MACROD1: variants seen among roughly 807,000 people sequenced by gnomAD.
The protein encoded by MACROD1 is ADP-ribose glycohydrolase MACROD1.
MACROD1 carries 31 observed loss-of-function variants against 41.4 expected under a neutral mutation model. The observed-to-expected ratio is 0.75, with a 90% CI of 0.56 to 1.01. The LOEUF is 1.01. Ranked by LOEUF, MACROD1 falls within the 50% of genes least tolerant of loss-of-function variation. MACROD1 has a pLI of 0.00. For missense variants in MACROD1, 473 were observed against 460.0 expected (o/e 1.03, Z -0.26); for synonymous variants, 252 against 203.4 (o/e 1.24, Z -2.03).
At chr11:64,000,681 G>A (rs1942809744) in intron 4 of MACROD1, among the ~76,000 whole-genome samples, 1 of 142,004 alleles carries the variant, frequency 7.0e-6, no homozygotes, top group Non-Finnish European at 1.5e-5. Flanking sequence ...GACAGGAACC[G>A]CCGCCCGAGC....
In MACROD1 at chr11:63,998,573, T is replaced by C. The variant is rs890142405; in HGVS notation, c.*145A>G. 4 of 1,208,264 alleles carry C rather than the reference T, an allele frequency of 3.3e-6. No homozygotes were observed. Among genetic ancestry groups the C allele is most frequent in the Non-Finnish European group, 4.1e-6 (4 of 963,940 alleles). 74.8% of individuals were successfully genotyped at this position (1,208,264 alleles called of 1,614,324 possible). On this transcript the variant is annotated 3_prime_UTR_variant, in exon 11 of 11. Coordinates refer to ENST00000255681, the MANE Select transcript of MACROD1 (RefSeq NM_014067.4). ...CAGTAGGAGCTGCCACAACGAGATC[T>C]TTATTAGGCTCCTCGGGGGCGGGGC...
chr11:64,085,077 G>C (rs142121302), intron 3 of MACROD1, among the ~76,000 whole-genome samples: 1 of 152,338 alleles, frequency 6.6e-6, no homozygotes, highest in Non-Finnish European at 1.5e-5. Flanking sequence ...TCATTGCACA[G>C]ATCCCCCAAC....
At chr11:64,088,067 C>G (rs1348044365) in intron 3 of MACROD1, among the ~76,000 whole-genome samples, 1 of 152,192 alleles carries the variant, frequency 6.6e-6, no homozygotes, top group Non-Finnish European at 1.5e-5. Flanking sequence ...TGGGCCTCCC[C>G]TGGCTCTTCC....
intron 2 of MACROD1, among the ~76,000 whole-genome samples, chr11:64,151,950 G>A (rs1945585729): frequency 6.6e-6 from 1 of 152,130 alleles, no homozygotes; most frequent in South Asian, 2.1e-4. Flanking sequence ...CCAATATGGT[G>A]AAACCCCATC....
At chr11:64,054,143 C>T (rs1248291198) in intron 3 of MACROD1, among the ~76,000 whole-genome samples, 4 of 152,176 alleles carry the variant, frequency 2.6e-5, no homozygotes, top group Non-Finnish European at 5.9e-5. Context: ...GCCTGGAGCC[C>T]CACGGCTAGC....
chr11:64,112,496 G>C (rs981194579), intron 3 of MACROD1, among the ~76,000 whole-genome samples: 3 of 152,176 alleles, frequency 2.0e-5, no homozygotes, highest in East Asian at 3.8e-4. Flanking sequence ...CCTGGTGACA[G>C]GGCAAGACTC....
Position 63,999,553 on chromosome 11 carries a change from G to GTGCGTCT in MACROD1, c.793_794insAGACGCA (p.Pro265GlnfsTer15), listed in dbSNP as rs1288622939. On this transcript the variant is annotated frameshift_variant, in exon 7 of 11. Coordinates refer to ENST00000255681, the MANE Select transcript of MACROD1 (RefSeq NM_014067.4). LOFTEE classifies it high-confidence loss of function. ...ACCAAACACGCCGGTGGAGATGCAG[G>GTGCGTCT]GGAACGCCTGGGCGGGGAGGGGTGA... is the stretch of plus-strand genomic sequence containing the variant. 10 of 1,609,888 alleles carry GTGCGTCT rather than the reference G, an allele frequency of 6.2e-6. No individual in the cohort carries two copies. Among genetic ancestry groups the GTGCGTCT allele is most frequent in the Non-Finnish European group, 7.6e-6 (9 of 1,178,710 alleles).
chr11:64,147,213 C>T (rs933070157), intron 3 of MACROD1, among the ~76,000 whole-genome samples: 9 of 150,108 alleles, frequency 6.0e-5, no homozygotes, highest in Non-Finnish European at 1.3e-4. Context: ...TACAGGCATG[C>T]ACCACCACAC....
In MACROD1 at chr11:64,067,217, G is replaced by C. The variant is rs1191026679; in HGVS notation, c.518-51936C>G. On this transcript the variant is annotated intron_variant, in intron 3 of 10. Coordinates refer to ENST00000255681, the MANE Select transcript of MACROD1 (RefSeq NM_014067.4). This position sits in a 1 kb window ranked among gnomAD's most constrained non-coding sequence, Gnocchi z 4.6. ...TCCAAGGAGATGGCAGATGGGAGGG[G>C]TGGGGAGAGGCCTTGCATGGCACCC... 6.6e-6 allele frequency among the ~76,000 whole-genome samples: 1 copy of C among 152,102 alleles called. No individual in the cohort carries two copies. Among genetic ancestry groups the C allele is most frequent in the Admixed American group, 6.5e-5 (1 of 15,284 alleles).
At chr11:64,134,859 C>T (rs553388646) in intron 3 of MACROD1, among the ~76,000 whole-genome samples, 215 of 152,348 alleles carry the variant, frequency 1.4e-3, no homozygotes, top group Non-Finnish European at 2.5e-3. Context: ...AGGAGCTCTT[C>T]GCATATTAAG....
At position 64,146,818 on chromosome 11, in the gene MACROD1, C is replaced by T. The variant is rs1423895322; in HGVS notation, c.517+4421G>A. Among the ~76,000 whole-genome samples, 2 of 151,622 alleles carry T rather than the reference C, an allele frequency of 1.3e-5. No individual in the cohort carries two copies. The highest frequency in any genetic ancestry group is 2.4e-5 in the African/African-American group (1 of 41,268). ...ATACGCACACCCCACACACATAGGCCAAACTCCTGACCTCACACACACACT... is the reference window on the plus strand; with the variant it reads ...ATACGCACACCCCACACACATAGGCTAAACTCCTGACCTCACACACACACT... On this transcript the variant is annotated intron_variant, in intron 3 of 10. Transcript: ENST00000255681. This position sits in a 1 kb window ranked among gnomAD's most constrained non-coding sequence, Gnocchi z 4.7.
intron 3 of MACROD1, among the ~76,000 whole-genome samples, chr11:64,042,363 C>T (rs527711275): frequency 8.9e-4 from 135 of 152,302 alleles, no homozygotes; most frequent in African/African-American, 3.2e-3. Flanking sequence ...CCTTCCTGCC[C>T]CCAGACAGTG....
intron 3 of MACROD1, among the ~76,000 whole-genome samples, chr11:64,072,222 G>A (rs1459406210): frequency 6.6e-6 from 1 of 152,134 alleles, no homozygotes; most frequent in Non-Finnish European, 1.5e-5. Flanking sequence ...GCTGCTGTGG[G>A]ATGGAGGGGC....
chr11:64,064,671 G>A lies in MACROD1; in HGVS notation c.518-49390C>T, dbSNP rs1354232484. On this transcript the variant is annotated intron_variant, in intron 3 of 10. Transcript: ENST00000255681. The surrounding 1 kb of genome is among the most constrained non-coding windows in gnomAD (Gnocchi z 4.5). ...AGGGGCCTCTGGCAGGACATTAAAC[G>A]GCACCGAGATAGAAGGAGGGGGGCC... Among the ~76,000 whole-genome samples, 1 of 135,430 alleles carries A rather than the reference G, an allele frequency of 7.4e-6. No individual in the cohort carries two copies. Among genetic ancestry groups the A allele is most frequent in the Non-Finnish European group, 1.5e-5 (1 of 65,094 alleles). 88.8% of individuals were successfully genotyped at this position (135,430 alleles called of 152,430 possible). A position where few individuals can be genotyped will look rare whatever the true frequency, so the allele number is the denominator to read the frequency against.
intron 3 of MACROD1, among the ~76,000 whole-genome samples, chr11:64,130,117 C>T (rs1004936807): frequency 1.3e-5 from 2 of 152,052 alleles, no homozygotes; most frequent in African/African-American, 4.8e-5. Context: ...AGCCCCCCAC[C>T]GTGCCACCCT....
At chr11:64,001,709 T>A (rs1269537051) in intron 4 of MACROD1, 3 of 702,306 alleles carry the variant, frequency 4.3e-6, no homozygotes, top group Non-Finnish European at 7.8e-6. Context: ...GCTCCTCTCC[T>A]CTGCAGGGAG....
intron 3 of MACROD1, among the ~76,000 whole-genome samples, chr11:64,021,094 C>G (rs549383282): frequency 6.6e-6 from 1 of 152,300 alleles, no homozygotes; most frequent in Non-Finnish European, 1.5e-5. Flanking sequence ...CTCAGCACAG[C>G]GCCTGGCTCA....
chr11:64,033,609 G>T (rs1943322139), intron 3 of MACROD1, among the ~76,000 whole-genome samples: 1 of 152,070 alleles, frequency 6.6e-6, no homozygotes, highest in Non-Finnish European at 1.5e-5. Context: ...GGGAGGCCGA[G>T]TTGGGTGGAT....
intron 4 of MACROD1, among the ~76,000 whole-genome samples, chr11:64,010,983 G>T (rs1211095315): frequency 1.3e-5 from 2 of 148,978 alleles, no homozygotes; most frequent in African/African-American, 5.0e-5. Flanking sequence ...TGTGTTGGTT[G>T]GGGTGTTGGT....
Sources: allele counts gnomAD v4.1 joint callset (sites outside exome capture counted in the v4.1 genomes callset), GRCh38; gene constraint gnomAD v4.1.1; non-coding constraint Gnocchi (gnomAD v3.1); transcripts MANE v1.5; gene names NCBI Gene and HGNC (gene_info 2026-07-23, HGNC 2026-07-21).